Variants in MYRIP observed in about 807,000 individuals in gnomAD.
MYRIP encodes the protein myosin VIIA and Rab interacting protein, also known as rab effector MyRIP.
Under a neutral mutation model 98.0 loss-of-function variants are expected in MYRIP, and 49 were observed. The observed-to-expected ratio is 0.50, with a 90% CI of 0.40 to 0.63. MYRIP has a LOEUF of 0.63. MYRIP is among the 30% of genes least tolerant of loss of function. MYRIP has a pLI of 0.00. For missense variants in MYRIP, 1,004 were observed against 1,058.2 expected (o/e 0.95, Z 0.71); for synonymous variants, 404 against 409.5 (o/e 0.99, Z 0.16).
At chr3:40,132,047 A>G (rs1190017519) in intron 3 of MYRIP, among the ~76,000 whole-genome samples, 3 of 152,128 alleles carry the variant, frequency 2.0e-5, no homozygotes, top group Non-Finnish European at 1.5e-5. Context: ...TGAATCTAAA[A>G]TGTGCTTATA....
At chr3:39,945,513 G>C (rs1010236378) in intron 2 of MYRIP, among the ~76,000 whole-genome samples, 2 of 146,408 alleles carry the variant, frequency 1.4e-5, no homozygotes, top group Non-Finnish European at 3.0e-5. Flanking sequence ...AAAAAAGAAT[G>C]TATCTTTGAC....
intron 2 of MYRIP, among the ~76,000 whole-genome samples, chr3:39,994,427 A>G (rs944082599): frequency 5.3e-5 from 8 of 152,200 alleles, no homozygotes; most frequent in African/African-American, 1.9e-4. Flanking sequence ...ATGCCCACGG[A>G]GCCTCGCTCA....
At chr3:40,137,380 T>C (rs534759687) in intron 3 of MYRIP, among the ~76,000 whole-genome samples, 1,667 of 152,292 alleles carry the variant, frequency 0.011, 22 homozygotes, top group African/African-American at 0.036. Flanking sequence ...GCTGAAATTG[T>C]GGCAATCATC....
chr3:40,210,145 T>C (rs2125666113), intron 11 of MYRIP, 52 bp downstream of exon 11: 1 of 1,581,382 alleles, frequency 6.3e-7, no homozygotes, highest in Non-Finnish European at 8.6e-7. Context: ...CAGTGGGGTG[T>C]TGGAGAAAGA....
chr3:40,063,480 G>A (rs747301370), intron 3 of MYRIP, among the ~76,000 whole-genome samples: 1 of 152,124 alleles, frequency 6.6e-6, no homozygotes, highest in Non-Finnish European at 1.5e-5. Flanking sequence ...CTATACAAAA[G>A]GTCTATGCTA....
intron 13 of MYRIP, 57 bp downstream of exon 13, chr3:40,244,664 T>A: frequency 1.3e-6 from 2 of 1,518,054 alleles, no homozygotes; most frequent in African/African-American, 1.4e-5. Context: ...GGGAGCCCCA[T>A]GTTCTACAAG....
chr3:40,189,757 G>C (rs927651642), intron 9 of MYRIP, 69 bp from the exon 10 acceptor site: 2 of 1,482,524 alleles, frequency 1.3e-6, no homozygotes, highest in African/African-American at 2.8e-5. Context: ...GAGGTAACAA[G>C]TGGCAACTTC....
chr3:39,971,866 A>G (rs571484065), intron 2 of MYRIP, among the ~76,000 whole-genome samples: 13 of 152,236 alleles, frequency 8.5e-5, no homozygotes, highest in African/African-American at 3.1e-4. Context: ...TTATCATATT[A>G]TACCTATGAA....
intron 9 of MYRIP, among the ~76,000 whole-genome samples, chr3:40,186,075 A>G (rs1410631501): frequency 2.0e-5 from 3 of 152,200 alleles, no homozygotes; most frequent in African/African-American, 7.2e-5. Context: ...TTGAGTGTTA[A>G]GAAATGAAAG....
At chr3:39,959,112 A>G (rs941061682) in intron 2 of MYRIP, among the ~76,000 whole-genome samples, 2 of 152,246 alleles carry the variant, frequency 1.3e-5, no homozygotes, top group African/African-American at 2.4e-5. Flanking sequence ...TGTGGAAGAC[A>G]GTGTGGCGAT....
intron 9 of MYRIP, among the ~76,000 whole-genome samples, chr3:40,183,207 G>A (rs1950938049): frequency 6.6e-6 from 1 of 152,318 alleles, no homozygotes; most frequent in South Asian, 2.1e-4. Context: ...TGCAGGCCCG[G>A]AGAAATGGCA....
At chr3:40,166,434 C>G (rs1349650629) in intron 5 of MYRIP, among the ~76,000 whole-genome samples, 1 of 151,892 alleles carries the variant, frequency 6.6e-6, no homozygotes, top group Non-Finnish European at 1.5e-5. Flanking sequence ...GGGAAGGGGC[C>G]GGGGGTATGG....
intron 10 of MYRIP, among the ~76,000 whole-genome samples, chr3:40,205,812 T>G (rs1181742926): frequency 6.6e-6 from 1 of 152,042 alleles, no homozygotes; most frequent in Non-Finnish European, 1.5e-5. Context: ...CATTTTTTTT[T>G]TGGCTGAAGA....
In MYRIP at chr3:40,167,200, G is replaced by A. The variant is rs1176601789; in HGVS notation, c.690G>A (p.Glu230=). ...CCAGTTACCTGCGGGACCACAAGGA[G>A]GAGCTAACTGAGGAACTGGCCACGA... ...NEASYLRDHK[E]ELTEELATTI... Residue 230 remains glutamate, a synonymous_variant, in exon 7 of 17, where the codon GAG becomes GAA. Transcript: ENST00000302541. 5.6e-6 allele frequency: 9 copies of A among 1,614,182 alleles called. No individual in the cohort carries two copies. The highest frequency in any genetic ancestry group is 6.8e-6 in the Non-Finnish European group (8 of 1,180,034).
chr3:39,906,888 A>C (rs1420593468), intron 2 of MYRIP, among the ~76,000 whole-genome samples: 2 of 152,212 alleles, frequency 1.3e-5, no homozygotes. Flanking sequence ...TGGAAGAAGA[A>C]ATGCAAAATA....
intron 2 of MYRIP, among the ~76,000 whole-genome samples, chr3:39,957,403 T>G (rs538405113): frequency 1.3e-5 from 2 of 149,120 alleles, no homozygotes; most frequent in African/African-American, 5.2e-5. Flanking sequence ...TAATCCATCA[T>G]ATAAACAGAA....
intron 12 of MYRIP, among the ~76,000 whole-genome samples, chr3:40,242,028 T>C (rs1953031705): frequency 6.6e-6 from 1 of 152,158 alleles, no homozygotes; most frequent in Admixed American, 6.5e-5. Context: ...CACAGCATCA[T>C]AGGGCAAGGA....
At chr3:39,976,604 A>T (rs1945757962) in intron 2 of MYRIP, among the ~76,000 whole-genome samples, 1 of 152,246 alleles carries the variant, frequency 6.6e-6, no homozygotes, top group Non-Finnish European at 1.5e-5. Context: ...ACATATGTTT[A>T]TTGCAGCACT....
chr3:39,878,435 C>A (rs543718693), intron 1 of MYRIP, among the ~76,000 whole-genome samples: 1 of 152,134 alleles, frequency 6.6e-6, no homozygotes. Flanking sequence ...CCATCTTCTG[C>A]GTCACTCATG....
Sources: allele counts gnomAD v4.1 joint callset (sites outside exome capture counted in the v4.1 genomes callset), GRCh38; gene constraint gnomAD v4.1.1; transcripts MANE v1.5; gene names NCBI Gene and HGNC (gene_info 2026-07-23, HGNC 2026-07-21).